TFDP2: variants seen among roughly 807,000 people sequenced by gnomAD.
TFDP2 encodes the protein transcription factor Dp-2 (E2F dimerization partner 2).
In TFDP2, 17 loss-of-function variants were observed where a neutral mutation model predicts 59.3. That is an observed-to-expected ratio of 0.29 (90% CI 0.20 to 0.43). The LOEUF (loss-of-function observed/expected upper bound fraction) is 0.43. Among genes scored for constraint, TFDP2 ranks in the 20% least tolerant of loss-of-function variants. The pLI is 1.00. For synonymous variants in TFDP2, 180 were observed against 194.7 expected (o/e 0.92, Z 0.63); for missense variants, 391 against 528.8 (o/e 0.74, Z 2.56).
intron 2 of TFDP2, among the ~76,000 whole-genome samples, chr3:142,100,341 G>GA (rs1267509614): frequency 7.2e-5 from 11 of 152,204 alleles, no homozygotes; most frequent in African/African-American, 1.9e-4. Context: ...TCTGAAACTA[G>GA]AAAGGCAGGC....
chr3:142,081,277 T>C (rs2060631158), intron 3 of TFDP2, among the ~76,000 whole-genome samples: 1 of 152,012 alleles, frequency 6.6e-6, no homozygotes, highest in African/African-American at 2.4e-5. Context: ...TAAAATGTAC[T>C]TGAAACAAAT....
At chr3:141,978,941 G>A (rs780408071) in intron 6 of TFDP2, among the ~76,000 whole-genome samples, 1 of 152,098 alleles carries the variant, frequency 6.6e-6, no homozygotes, top group Non-Finnish European at 1.5e-5. Context: ...ACTATTCTAT[G>A]CCGGATACTG....
At chr3:141,984,532 A>G (rs149892337) in intron 6 of TFDP2, among the ~76,000 whole-genome samples, 232 of 152,290 alleles carry the variant, frequency 1.5e-3, no homozygotes, top group African/African-American at 5.5e-3. Context: ...TTCCACTTAT[A>G]TGAAATCAAA....
rs1935981847 is a variant in TFDP2, at chr3:141,951,975, A to C, written c.*538T>G. 1 of 152,672 alleles carries C rather than the reference A, an allele frequency of 6.5e-6. No homozygotes were observed. The highest frequency in any genetic ancestry group is 6.5e-5 in the Admixed American group (1 of 15,274). 9.5% of individuals were successfully genotyped at this position (152,672 alleles called of 1,614,324 possible). On this transcript the variant is annotated 3_prime_UTR_variant, in exon 13 of 13. Coordinates refer to ENST00000489671, the MANE Select transcript of TFDP2 (RefSeq NM_001178139.2). ...CGTAAAGCACCTCATCTAGACCTCC[A>C]ACTAGTTCAGCAGTTCAATCTGTGC...
intron 3 of TFDP2, among the ~76,000 whole-genome samples, chr3:142,034,105 T>C (rs898621193): frequency 6.7e-5 from 10 of 149,984 alleles, no homozygotes; most frequent in African/African-American, 9.8e-5. Context: ...TTTTTTTTTT[T>C]TTTTTTTGAG....
At chr3:141,957,577 C>T (rs777546679) in intron 11 of TFDP2, among the ~76,000 whole-genome samples, 6 of 152,036 alleles carry the variant, frequency 3.9e-5, no homozygotes, top group African/African-American at 7.2e-5. Context: ...TATCTACCAA[C>T]TGATGAATGG....
intron 3 of TFDP2, among the ~76,000 whole-genome samples, chr3:142,083,350 TAA>T (rs2060705389): frequency 6.6e-6 from 1 of 151,898 alleles, no homozygotes; most frequent in Non-Finnish European, 1.5e-5. Context: ...TGAAAGAAAT[TAA>T]AGAGGACACA....
intron 5 of TFDP2, chr3:141,994,574 G>T (rs1943084336): frequency 6.6e-6 from 1 of 152,230 alleles, no homozygotes; most frequent in Non-Finnish European, 1.5e-5. Flanking sequence ...CGTTTAAAAA[G>T]AAGAGGAAAT....
intron 3 of TFDP2, among the ~76,000 whole-genome samples, chr3:142,059,323 T>C (rs1390626304): frequency 2.0e-5 from 3 of 152,144 alleles, no homozygotes; most frequent in Admixed American, 6.5e-5. Flanking sequence ...GGTTGTTTCA[T>C]AGTGAGGTCT....
intron 1 of TFDP2, among the ~76,000 whole-genome samples, chr3:142,118,778 AAATG>A (rs2061934055): frequency 6.6e-6 from 1 of 152,210 alleles, no homozygotes; most frequent in Non-Finnish European, 1.5e-5. Context: ...AAATTGATTG[AAATG>A]AATGATAGGC....
intron 3 of TFDP2, among the ~76,000 whole-genome samples, chr3:142,056,337 T>G (rs895525539): frequency 7.3e-5 from 11 of 150,864 alleles, no homozygotes; most frequent in Non-Finnish European, 1.2e-4. Flanking sequence ...AGACAGTTTA[T>G]TCCCATGGAG....
chr3:141,956,622 GA>G (rs1280647042), intron 11 of TFDP2, among the ~76,000 whole-genome samples: 5 of 152,130 alleles, frequency 3.3e-5, no homozygotes, highest in Admixed American at 2.0e-4. Flanking sequence ...CACATGAAAA[GA>G]TGCTCAACAT....
chr3:141,962,344 A>G (rs143014387), intron 10 of TFDP2, among the ~76,000 whole-genome samples: 3 of 151,814 alleles, frequency 2.0e-5, no homozygotes, highest in African/African-American at 7.2e-5. Context: ...ATAGTTTTGA[A>G]ATTCCTGCTG....
At chr3:141,976,253 TG>T (rs1319229102) in intron 7 of TFDP2, among the ~76,000 whole-genome samples, 1 of 152,016 alleles carries the variant, frequency 6.6e-6, no homozygotes, top group Non-Finnish European at 1.5e-5. Flanking sequence ...AAGAGAAAAA[TG>T]GAAGACAGAA....
At chr3:142,130,504 T>A (rs554378374) in intron 1 of TFDP2, among the ~76,000 whole-genome samples, 17 of 151,742 alleles carry the variant, frequency 1.1e-4, no homozygotes, top group African/African-American at 2.9e-4. Context: ...TTTTTTTTTT[T>A]ATACTTTTAA....
At chr3:142,110,453 G>A (rs1035208363) in intron 1 of TFDP2, among the ~76,000 whole-genome samples, 8 of 151,368 alleles carry the variant, frequency 5.3e-5, no homozygotes, top group Admixed American at 1.3e-4. Context: ...GCAGTGAGCC[G>A]AGATCATGCC....
intron 3 of TFDP2, among the ~76,000 whole-genome samples, chr3:142,027,678 T>C (rs2108392251): frequency 6.6e-6 from 1 of 152,348 alleles, no homozygotes; most frequent in South Asian, 2.1e-4. Context: ...ACGTGTCTAA[T>C]AGAATATACG....
At chr3:142,147,982 T>A (rs1436382006) in intron 1 of TFDP2, among the ~76,000 whole-genome samples, 1 of 152,226 alleles carries the variant, frequency 6.6e-6, no homozygotes, top group African/African-American at 2.4e-5. Flanking sequence ...TTATATCTAC[T>A]TTTAAAGAGA....
Position 142,134,530 on chromosome 3 carries a change from T to TAATA in TFDP2, c.-93+14649_-93+14652dup, listed in dbSNP as rs545521990. ...ATTCTGCCTACAGCAATGGGAATCC[T>TAATA]AATAAATAAATAGTTGGTGGGCTGA... On this transcript the variant is annotated intron_variant, in intron 1 of 12. Transcript: ENST00000489671. 2.3e-4 allele frequency among the ~76,000 whole-genome samples: 35 copies of TAATA among 152,212 alleles called. No individual in the cohort carries two copies. In the South Asian group the frequency reaches 6.8e-3, roughly 30 times the overall value.
Sources: gnomAD v4.1 joint callset for allele counts (sites outside exome capture counted in the v4.1 genomes callset) on GRCh38, gnomAD v4.1.1 for gene constraint, MANE v1.5 for transcripts, NCBI Gene and HGNC (gene_info 2026-07-23, HGNC 2026-07-21) for gene names.